The following ANKS6 variants were observed in gnomAD, a reference collection of about 807,000 sequenced individuals.
The protein encoded by ANKS6 is ankyrin repeat and sterile alpha motif domain containing 6, also known as ankyrin repeat and SAM domain-containing protein 6.
ANKS6 carries 47 observed loss-of-function variants against 77.9 expected under a neutral mutation model. The observed-to-expected ratio is 0.60, with a 90% CI of 0.48 to 0.77. ANKS6 has a LOEUF of 0.77. ANKS6 is among the 30% of genes least tolerant of loss of function. ANKS6 has a pLI of 0.00. For missense variants in ANKS6, 1,150 were observed against 1,159.1 expected (o/e 0.99, Z 0.11); for synonymous variants, 488 against 501.7 (o/e 0.97, Z 0.37).
At chr9:98,785,447 C>G (rs527243567) in intron 2 of ANKS6, among the ~76,000 whole-genome samples, 149 of 152,362 alleles carry the variant, frequency 9.8e-4, no homozygotes, top group African/African-American at 3.6e-3. Flanking sequence ...CCAAAAGCCG[C>G]TGCCCAACTG....
At chr9:98,745,967 G>C in intron 13 of ANKS6, 1 of 397,448 alleles carries the variant, frequency 2.5e-6, no homozygotes, top group Non-Finnish European at 4.6e-6. Flanking sequence ...GCTAGAATAG[G>C]AGAAATCCAA....
At position 98,784,173 on chromosome 9, in the gene ANKS6, G is replaced by A. The variant is rs375604399; in HGVS notation, c.908-16C>T. 405 of 1,512,354 alleles carry A rather than the reference G, an allele frequency of 2.7e-4. 3 individuals carry two copies. The highest frequency in any genetic ancestry group is 1.4e-3 in the South Asian group (105 of 76,358). The allele number at this position is 1,512,354 out of a possible 1,614,324, so 93.7% of individuals were successfully genotyped here. On this transcript the variant is annotated splice_polypyrimidine_tract_variant and intron_variant, in intron 3 of 14. Coordinates refer to ENST00000353234, the MANE Select transcript of ANKS6 (RefSeq NM_173551.5). ...TGGAAGTTTCCTGCAAACACAAGCAGGAGTCCGGGTGAACTGTGGGCCTGG... is the reference window on the plus strand; with the variant it reads ...TGGAAGTTTCCTGCAAACACAAGCAAGAGTCCGGGTGAACTGTGGGCCTGG...
intron 10 of ANKS6, 66 bp downstream of exon 10, chr9:98,770,830 G>A: frequency 7.8e-7 from 1 of 1,289,050 alleles, no homozygotes; most frequent in Non-Finnish European, 9.9e-7. Flanking sequence ...GAATATCCAG[G>A]CAGTGCACAC....
chr9:98,735,884 T>A lies in ANKS6; in HGVS notation c.*635A>T, dbSNP rs969188861. 3 of 1,231,862 alleles carry A rather than the reference T, an allele frequency of 2.4e-6. No individual in the cohort carries two copies. The highest frequency in any genetic ancestry group is 8.4e-5 in the Admixed American group (2 of 23,928). The allele number at this position is 1,231,862 out of a possible 1,614,324, so 76.3% of individuals were successfully genotyped here. On this transcript the variant is annotated 3_prime_UTR_variant, in exon 15 of 15. Transcript: ENST00000353234. Reference sequence around the variant, plus strand: ...ACATACACAGCACTAAGGGACCCAGTGGCTGAAAGGGGGTCAAAAAAGACT... The same window carrying A: ...ACATACACAGCACTAAGGGACCCAGAGGCTGAAAGGGGGTCAAAAAAGACT...
At position 98,733,843 on chromosome 9, in the gene ANKS6, GA is replaced by G; in HGVS notation, c.*2675del. 1.0e-6 allele frequency: 1 copy of G among 985,372 alleles called. No individual in the cohort carries two copies. The highest frequency in any genetic ancestry group is 1.2e-6 in the Non-Finnish European group (1 of 829,940). 61.0% of individuals were successfully genotyped at this position (985,372 alleles called of 1,614,324 possible). The stretch of plus-strand genomic sequence containing the variant: ...ACATACACACCCTACGTTTCTTTAT[GA>G]AAAACCTATTATCCTGTGGAACTAG... On this transcript the variant is annotated 3_prime_UTR_variant, in exon 15 of 15. Transcript: ENST00000353234.
Position 98,733,389 on chromosome 9 carries a change from C to CA in ANKS6, c.*3129dup. The CA allele has an allele frequency of 1.0e-6, 1 of 985,474 alleles. No individual in the cohort carries two copies. The highest frequency in any genetic ancestry group is 1.2e-6 in the Non-Finnish European group (1 of 829,986). The allele number at this position is 985,474 out of a possible 1,614,324, so 61.0% of individuals were successfully genotyped here. ...ATGCCCTCCACCCTGCAGGAGAGCT[C>CA]AGGGTGGAGCCTCAGCTCAATGCCC... On this transcript the variant is annotated 3_prime_UTR_variant, in exon 15 of 15. Transcript: ENST00000353234.
chr9:98,777,529 G>A, intron 7 of ANKS6, 75 bp from the exon 8 acceptor site: 1 of 1,431,642 alleles, frequency 7.0e-7, no homozygotes, highest in South Asian at 1.2e-5. Flanking sequence ...ACTGGGGCAG[G>A]CTTCAACCTG....
Position 98,735,936 on chromosome 9 carries a change from AG to A in ANKS6, c.*582del. The A allele has an allele frequency of 8.1e-7, 1 of 1,230,632 alleles. No homozygotes were observed. The allele number at this position is 1,230,632 out of a possible 1,614,324, so 76.2% of individuals were successfully genotyped here. A position where few individuals can be genotyped will look rare whatever the true frequency, so the allele number is the denominator to read the frequency against. ...CATCTGAGAGGTGACTTGGACTAGG[AG>A]GGGCAAGTTAGAAGTTTTAAGGGAA... On this transcript the variant is annotated 3_prime_UTR_variant, in exon 15 of 15. Transcript: ENST00000353234.
At position 98,791,946 on chromosome 9, in the gene ANKS6, C is replaced by T. The variant is rs371295494; in HGVS notation, c.360-1340G>A. Among the ~76,000 whole-genome samples the T allele has an allele frequency of 1.2e-4, 18 of 152,232 alleles. No homozygotes were observed. In the East Asian group the frequency reaches 1.9e-3, roughly 16 times the overall value. ...CCTCCACTCCCAGAGTGGAAAAGGA[C>T]AAGGCAAATTGAAACCAACTCAATG... On this transcript the variant is annotated intron_variant, in intron 1 of 14. Coordinates refer to ENST00000353234, the MANE Select transcript of ANKS6 (RefSeq NM_173551.5). The surrounding 1 kb of genome is among the most constrained non-coding windows in gnomAD (Gnocchi z 4.3).
At chr9:98,738,332 T>C (rs902674795) in intron 14 of ANKS6, among the ~76,000 whole-genome samples, 12 of 151,998 alleles carry the variant, frequency 7.9e-5, no homozygotes, top group Non-Finnish European at 1.5e-5. Context: ...TCACAATCTA[T>C]ACATCTGACA....
chr9:98,775,715 C>A (rs1179659368), intron 8 of ANKS6, among the ~76,000 whole-genome samples: 1 of 152,184 alleles, frequency 6.6e-6, no homozygotes, highest in Non-Finnish European at 1.5e-5. Flanking sequence ...AAAATGCCAA[C>A]CATGGTTATA....
intron 2 of ANKS6, among the ~76,000 whole-genome samples, chr9:98,789,027 G>A (rs539021431): frequency 1.6e-4 from 24 of 150,020 alleles, no homozygotes; most frequent in African/African-American, 5.9e-4. Context: ...TGATTGGATG[G>A]TGTATTTCTT....
rs1490722252 is a variant in ANKS6, at chr9:98,736,357, A to T, written c.*162T>A. 1 of 1,426,320 alleles carries T rather than the reference A, an allele frequency of 7.0e-7. No homozygotes were observed. Among genetic ancestry groups the T allele is most frequent in the Non-Finnish European group, 9.1e-7 (1 of 1,093,990 alleles). 88.4% of individuals were successfully genotyped at this position (1,426,320 alleles called of 1,614,324 possible). A position where few individuals can be genotyped will look rare whatever the true frequency, so the allele number is the denominator to read the frequency against. On this transcript the variant is annotated 3_prime_UTR_variant, in exon 15 of 15. Transcript: ENST00000353234. The stretch of plus-strand genomic sequence containing the variant: ...GTGTGTTGAAGTTTGTTGCAGCAAG[A>T]AGTACTACCAATGAATGCCGTCGAC...
intron 11 of ANKS6, among the ~76,000 whole-genome samples, chr9:98,759,528 C>T (rs1832901483): frequency 6.6e-6 from 1 of 152,192 alleles, no homozygotes; most frequent in Non-Finnish European, 1.5e-5. Context: ...ATTGTTTTAC[C>T]TGTGCTTTTG....
intron 1 of ANKS6, among the ~76,000 whole-genome samples, chr9:98,794,432 G>T (rs1187610999): frequency 6.6e-5 from 10 of 152,204 alleles, no homozygotes; most frequent in Non-Finnish European, 1.3e-4. Context: ...GTGAGGGACA[G>T]ACACACTGTA....
At chr9:98,769,253 G>GTC (rs767488052) in intron 10 of ANKS6, among the ~76,000 whole-genome samples, 5 of 152,178 alleles carry the variant, frequency 3.3e-5, no homozygotes. Flanking sequence ...AGGCGCTGCT[G>GTC]TAAGTATTTC....
Position 98,732,921 on chromosome 9 carries a change from T to C in ANKS6, c.*3598A>G. ...GTGCTGCCTTTGCACATGCCCCAGC[T>C]GGAATGCCCTTTTTCTTTTCTGCCT... On this transcript the variant is annotated 3_prime_UTR_variant, in exon 15 of 15. Coordinates refer to ENST00000353234, the MANE Select transcript of ANKS6 (RefSeq NM_173551.5). The C allele has an allele frequency of 9.4e-7, 1 of 1,066,186 alleles. No individual in the cohort carries two copies. Among genetic ancestry groups the C allele is most frequent in the Non-Finnish European group, 1.1e-6 (1 of 879,920 alleles). 66.0% of individuals were successfully genotyped at this position (1,066,186 alleles called of 1,614,324 possible).
intron 11 of ANKS6, among the ~76,000 whole-genome samples, chr9:98,767,644 G>A (rs549834934): frequency 1.8e-4 from 27 of 152,350 alleles, no homozygotes; most frequent in African/African-American, 5.8e-4. Context: ...CACTAAGAAC[G>A]CTGTCAACAG....
chr9:98,777,861 A>C (rs1352611104), intron 7 of ANKS6, among the ~76,000 whole-genome samples: 2 of 152,162 alleles, frequency 1.3e-5, no homozygotes, highest in African/African-American at 4.8e-5. Flanking sequence ...CTCACTACTC[A>C]CACCCTCCCA....
Sources: gnomAD v4.1 joint callset for allele counts (sites outside exome capture counted in the v4.1 genomes callset) on GRCh38, gnomAD v4.1.1 for gene constraint, Gnocchi (gnomAD v3.1) non-coding constraint, MANE v1.5 for transcripts, NCBI Gene and HGNC (gene_info 2026-07-23, HGNC 2026-07-21) for gene names.